The following COL19A1 variants were observed in gnomAD, a reference collection of about 807,000 sequenced individuals.
COL19A1 encodes the protein collagen alpha-1(XIX) chain.
In COL19A1, 159 loss-of-function variants were observed where a neutral mutation model predicts 190.2. The ratio of observed to expected loss-of-function variants is 0.84; its 90% confidence interval spans 0.73 to 0.95. The LOEUF is 0.95. COL19A1 is among the 40% of genes least tolerant of loss of function. COL19A1 has a pLI of 0.00. For missense variants in COL19A1, 1,418 were observed against 1,431.9 expected, an observed-to-expected ratio of 0.99 and a Z score of 0.16; for synonymous variants, 509 against 458.9, an observed-to-expected ratio of 1.11 and a Z score of -1.39.
At chr6:69,925,810 T>C (rs1396247571) in intron 4 of COL19A1, among the ~76,000 whole-genome samples, 2 of 152,192 alleles carry the variant, frequency 1.3e-5, no homozygotes, top group Admixed American at 1.3e-4. Flanking sequence ...ACATCCCTTG[T>C]AAGTTGGATT....
chr6:70,140,943 C>T lies in COL19A1; in HGVS notation c.1447-11C>T, dbSNP rs1161741876. 1.9e-6 allele frequency: 3 copies of T among 1,610,324 alleles called. No individual in the cohort carries two copies. The Admixed American group carries it at 5.0e-5, about 27-fold the overall frequency. ...GAGCGTTTAATTCTATTTTCTACCC[C>T]TTCTCCTTAGGGAGAGCCTTTTACA... is the stretch of plus-strand genomic sequence containing the variant. On this transcript the variant is annotated splice_polypyrimidine_tract_variant and intron_variant, in intron 19 of 50. Transcript: ENST00000620364.
intron 11 of COL19A1, among the ~76,000 whole-genome samples, chr6:69,979,159 AC>A (rs1775897165): frequency 6.6e-6 from 1 of 152,004 alleles, no homozygotes; most frequent in African/African-American, 2.4e-5. Flanking sequence ...TGTTATTTTA[AC>A]TATTCTAGGC....
chr6:70,072,776 T>A (rs1781635328), intron 15 of COL19A1, among the ~76,000 whole-genome samples: 1 of 152,076 alleles, frequency 6.6e-6, no homozygotes, highest in South Asian at 2.1e-4. Context: ...TCAAGATGTG[T>A]TTCTTTGCAC....
At position 70,150,048 on chromosome 6, in the gene COL19A1, A is replaced by T; in HGVS notation, c.2037+3A>T. The stretch of plus-strand genomic sequence containing the variant: ...TGCCAGGCCCCCCAGGTGACCCGGT[A>T]TGTAGACAAACCTTGTCTGATTTAT... On this transcript the variant is annotated splice_donor_region_variant and intron_variant, in intron 30 of 50. Transcript: ENST00000620364. 6.2e-7 allele frequency: 1 copy of T among 1,613,618 alleles called. No homozygotes were observed. The highest frequency in any genetic ancestry group is 8.5e-7 in the Non-Finnish European group (1 of 1,179,784).
At chr6:70,091,202 G>A (rs1056471486) in intron 15 of COL19A1, among the ~76,000 whole-genome samples, 6 of 152,110 alleles carry the variant, frequency 3.9e-5, no homozygotes, top group African/African-American at 9.7e-5. Context: ...GCCTGGATTC[G>A]AGTCTTAACT....
At chr6:70,090,849 C>T (rs1782879292) in intron 15 of COL19A1, among the ~76,000 whole-genome samples, 1 of 152,136 alleles carries the variant, frequency 6.6e-6, no homozygotes, top group Non-Finnish European at 1.5e-5. Flanking sequence ...GCCACCCAAC[C>T]ACACACTTGC....
chr6:70,045,424 T>C (rs1779858602), intron 14 of COL19A1, among the ~76,000 whole-genome samples: 1 of 152,164 alleles, frequency 6.6e-6, no homozygotes, highest in Admixed American at 6.5e-5. Flanking sequence ...GTTTTGGTGC[T>C]TACTTGTATG....
At chr6:69,982,602 A>C (rs1776096681) in intron 11 of COL19A1, among the ~76,000 whole-genome samples, 1 of 151,910 alleles carries the variant, frequency 6.6e-6, no homozygotes. Flanking sequence ...AGTATTTAGT[A>C]GGGAAAATTC....
chr6:70,163,996 C>T (rs3793062), intron 36 of COL19A1, among the ~76,000 whole-genome samples: 1 of 152,104 alleles, frequency 6.6e-6, no homozygotes, highest in East Asian at 1.9e-4. Context: ...AAGGCTCCAC[C>T]CTCATGACCT....
At chr6:70,176,646 G>A (rs1396761033) in intron 42 of COL19A1, 82 bp downstream of exon 42, 3 of 1,380,304 alleles carry the variant, frequency 2.2e-6, no homozygotes, top group African/African-American at 1.4e-5. Context: ...GATCAAGACA[G>A]GCAGGAGAGC....
chr6:69,978,146 A>G (rs114674737), intron 11 of COL19A1, among the ~76,000 whole-genome samples: 1,943 of 152,224 alleles, frequency 0.013, 43 homozygotes, highest in African/African-American at 0.038. Context: ...AAGAAATTTC[A>G]GGTATAATTT....
chr6:70,171,820 A>G (rs1562241872), intron 40 of COL19A1, 144 bp from the exon 41 acceptor site: 1 of 675,908 alleles, frequency 1.5e-6, no homozygotes, highest in East Asian at 2.7e-5. Context: ...ACATTACTTA[A>G]AAATAGGGCA....
At chr6:70,093,198 A>G (rs1345186224) in intron 15 of COL19A1, among the ~76,000 whole-genome samples, 3 of 152,134 alleles carry the variant, frequency 2.0e-5, no homozygotes, top group Middle Eastern at 3.2e-3. Context: ...TATAAAGGCC[A>G]AATTCCCCTT....
chr6:69,912,342 C>T lies in COL19A1; in HGVS notation c.266+12004C>T, dbSNP rs116924992. 5.4e-3 allele frequency among the ~76,000 whole-genome samples: 820 copies of T among 152,274 alleles called. 19 individuals carry two copies. The East Asian group carries it at 0.066, about 12-fold the overall frequency. On this transcript the variant is annotated intron_variant, in intron 4 of 50. Coordinates refer to ENST00000620364, the MANE Select transcript of COL19A1 (RefSeq NM_001858.6). ...GTGGATTTAAATGATATTATATTAA[C>T]ATCAATGCGTAAATTGATATTACTT...
At chr6:70,051,033 G>T (rs1780173426) in intron 14 of COL19A1, among the ~76,000 whole-genome samples, 1 of 151,978 alleles carries the variant, frequency 6.6e-6, no homozygotes, top group South Asian at 2.1e-4. Context: ...ATATGTAAGG[G>T]TCAAACAGGA....
At chr6:70,179,536 A>G (rs1475742453) in intron 42 of COL19A1, among the ~76,000 whole-genome samples, 2 of 152,210 alleles carry the variant, frequency 1.3e-5, no homozygotes, top group Non-Finnish European at 2.9e-5. Context: ...TTTCCTGTCA[A>G]CAAAACATGG....
chr6:69,921,546 A>G (rs1180209562), intron 4 of COL19A1, among the ~76,000 whole-genome samples: 2 of 143,678 alleles, frequency 1.4e-5, no homozygotes, highest in Non-Finnish European at 3.0e-5. Context: ...ATATTCATAT[A>G]TATTCATATA....
chr6:70,190,517 G>C (rs115115377), intron 48 of COL19A1, 136 bp downstream of exon 48: 1 of 616,392 alleles, frequency 1.6e-6, no homozygotes, highest in African/African-American at 1.9e-5. Context: ...TTTTATGATG[G>C]GACAGCTCTT....
At chr6:70,159,203 GA>G (rs1787628937) in intron 34 of COL19A1, among the ~76,000 whole-genome samples, 1 of 151,026 alleles carries the variant, frequency 6.6e-6, no homozygotes, top group South Asian at 2.1e-4. Context: ...CATATAGAAA[GA>G]ATTTTATGGA....
Sources: allele counts gnomAD v4.1 joint callset (sites outside exome capture counted in the v4.1 genomes callset), GRCh38; gene constraint gnomAD v4.1.1; transcripts MANE v1.5; gene names NCBI Gene and HGNC (gene_info 2026-07-23, HGNC 2026-07-21).